SYNDIG1: variants seen among roughly 807,000 people sequenced by gnomAD.
The protein encoded by SYNDIG1 is synapse differentiation inducing 1, also known as synapse differentiation-inducing gene protein 1.
Under a neutral mutation model 19.4 loss-of-function variants are expected in SYNDIG1, and 9 were observed. That is an observed-to-expected ratio of 0.46 (90% confidence interval 0.28 to 0.81). SYNDIG1 has a LOEUF of 0.81. Among genes scored for constraint, SYNDIG1 ranks in the 30% least tolerant of loss-of-function variants. The pLI, the probability that SYNDIG1 is intolerant of heterozygous loss-of-function variation, is 0.12. For synonymous variants in SYNDIG1, 141 were observed against 145.9 expected (o/e 0.97, Z 0.24); for missense variants, 311 against 343.3 (o/e 0.91, Z 0.74).
At chr20:24,498,322 A>C (rs1468396958) in intron 1 of SYNDIG1, among the ~76,000 whole-genome samples, 1 of 152,216 alleles carries the variant, frequency 6.6e-6, no homozygotes, top group African/African-American at 2.4e-5. Flanking sequence ...AGAACACTTA[A>C]CATAAGGTCT....
chr20:24,613,216 C>A (rs187613324), intron 3 of SYNDIG1, among the ~76,000 whole-genome samples: 1 of 152,320 alleles, frequency 6.6e-6, no homozygotes, highest in Admixed American at 6.5e-5. Flanking sequence ...AGCTATGTGA[C>A]CCTGGCCAAC....
At chr20:24,608,314 G>A (rs1163182071) in intron 3 of SYNDIG1, among the ~76,000 whole-genome samples, 1 of 152,004 alleles carries the variant, frequency 6.6e-6, no homozygotes, top group African/African-American at 2.4e-5. Flanking sequence ...AAGTAGCTGG[G>A]ACTACAGGCA....
intron 1 of SYNDIG1, among the ~76,000 whole-genome samples, chr20:24,470,306 G>T (rs2055386482): frequency 6.6e-6 from 1 of 152,188 alleles, no homozygotes; most frequent in African/African-American, 2.4e-5. Context: ...CTAATTCTCC[G>T]AGCGGAGCGG....
chr20:24,475,000 T>C (rs996818042), intron 1 of SYNDIG1, among the ~76,000 whole-genome samples: 3 of 152,194 alleles, frequency 2.0e-5, no homozygotes, highest in African/African-American at 7.2e-5. Context: ...TAATCTTACC[T>C]CAAATACACT....
chr20:24,519,071 G>C (rs915257294), intron 1 of SYNDIG1, among the ~76,000 whole-genome samples: 1 of 152,170 alleles, frequency 6.6e-6, no homozygotes, highest in South Asian at 2.1e-4. Flanking sequence ...GGAAATGCTG[G>C]ATTGAAATGT....
rs553258786 is a variant in SYNDIG1 at position 24,636,521 on chromosome 20, C to T, written c.619-28825C>T. Among the ~76,000 whole-genome samples the T allele has an allele frequency of 4.6e-5, 7 of 152,340 alleles. No individual in the cohort carries two copies. In the East Asian group the frequency reaches 1.2e-3, roughly 25 times the overall value. On this transcript the variant is annotated intron_variant, in intron 3 of 3. Transcript: ENST00000376862. ...TTGGTTGGACCAGGTGTGCCATTTA[C>T]ATAGCACACAAAGAAGCTGGCCACC...
At chr20:24,514,825 C>T (rs2056827374) in intron 1 of SYNDIG1, among the ~76,000 whole-genome samples, 1 of 152,214 alleles carries the variant, frequency 6.6e-6, no homozygotes, top group African/African-American at 2.4e-5. Context: ...AATACACATT[C>T]TTCTCAACAC....
rs2055635223 is a variant in SYNDIG1 at position 24,476,655 on chromosome 20, G to C, written c.-79+6902G>C. Among the ~76,000 whole-genome samples, 4 of 151,472 alleles carry C rather than the reference G, an allele frequency of 2.6e-5. No individual in the cohort carries two copies. The South Asian group carries it at 8.3e-4, about 32-fold the overall frequency. On this transcript the variant is annotated intron_variant, in intron 1 of 3. Coordinates refer to ENST00000376862, the MANE Select transcript of SYNDIG1 (RefSeq NM_024893.3). Reference sequence around the variant, plus strand: ...ACTACACTCCAGCCTGGGTGACAGAGCAAGACTCCAACTAAAAAAAAAACA... The same window carrying C: ...ACTACACTCCAGCCTGGGTGACAGACCAAGACTCCAACTAAAAAAAAAACA...
chr20:24,602,180 G>T (rs1279034877), intron 3 of SYNDIG1, among the ~76,000 whole-genome samples: 1 of 152,018 alleles, frequency 6.6e-6, no homozygotes. Context: ...GTGAGTCTGG[G>T]TGTTTGTTGT....
chr20:24,579,077 CTAAG>C (rs558877534), intron 2 of SYNDIG1, among the ~76,000 whole-genome samples: 471 of 152,282 alleles, frequency 3.1e-3, no homozygotes, highest in Non-Finnish European at 4.8e-3. Flanking sequence ...CCACAACAAA[CTAAG>C]TAACATTTAA....
chr20:24,661,485 G>GAGGGAAGA (rs2059593700), intron 3 of SYNDIG1, among the ~76,000 whole-genome samples: 1 of 62,384 alleles, frequency 1.6e-5, no homozygotes, highest in Non-Finnish European at 4.0e-5. Context: ...GAAGAGGGAG[G>GAGGGAAGA]AAGAAGGGAG....
intron 1 of SYNDIG1, among the ~76,000 whole-genome samples, chr20:24,483,850 C>T (rs1010274542): frequency 1.3e-5 from 2 of 152,130 alleles, no homozygotes; most frequent in East Asian, 1.9e-4. Context: ...TTGCTTGACA[C>T]GGTGCAAGTG....
intron 3 of SYNDIG1, among the ~76,000 whole-genome samples, chr20:24,635,123 G>A (rs140348907): frequency 6.6e-6 from 1 of 152,302 alleles, no homozygotes; most frequent in Non-Finnish European, 1.5e-5. Flanking sequence ...AAGCCTCCAA[G>A]ACTTGGGAAG....
chr20:24,589,902 A>C (rs1371722061), intron 3 of SYNDIG1, among the ~76,000 whole-genome samples: 4 of 152,202 alleles, frequency 2.6e-5, no homozygotes, highest in African/African-American at 9.7e-5. Flanking sequence ...AGCCCCTTGG[A>C]ATCCATTCAT....
intron 2 of SYNDIG1, among the ~76,000 whole-genome samples, chr20:24,582,328 C>A (rs1052849129): frequency 9.9e-5 from 12 of 121,382 alleles, no homozygotes; most frequent in African/African-American, 3.9e-4. Flanking sequence ...CTCATGCTGT[C>A]CCCACGGCAC....
At chr20:24,473,544 A>G (rs981237675) in intron 1 of SYNDIG1, among the ~76,000 whole-genome samples, 1 of 152,176 alleles carries the variant, frequency 6.6e-6, no homozygotes, top group Non-Finnish European at 1.5e-5. Flanking sequence ...GGCACCAGCT[A>G]TGATTCAGTG....
chr20:24,517,649 C>CATAT, intron 1 of SYNDIG1, among the ~76,000 whole-genome samples: 1 of 140,360 alleles, frequency 7.1e-6, no homozygotes, highest in Non-Finnish European at 1.5e-5. Flanking sequence ...TATATATACA[C>CATAT]ATATATATAT....
chr20:24,585,053 G>GGCC, intron 3 of SYNDIG1, 60 bp downstream of exon 3: 2 of 647,990 alleles, frequency 3.1e-6, no homozygotes, highest in Non-Finnish European at 2.7e-6. Flanking sequence ...GGGGGTGGGG[G>GGCC]CGGCAATCCC....
intron 1 of SYNDIG1, among the ~76,000 whole-genome samples, chr20:24,475,893 C>G (rs1391892578): frequency 3.3e-5 from 5 of 150,808 alleles, no homozygotes; most frequent in Non-Finnish European, 7.4e-5. Context: ...TGACGTCTCA[C>G]TCTATCACCC....
Sources: gnomAD v4.1 joint callset for allele counts (sites outside exome capture counted in the v4.1 genomes callset) on GRCh38, gnomAD v4.1.1 for gene constraint, MANE v1.5 for transcripts, NCBI Gene and HGNC (gene_info 2026-07-23, HGNC 2026-07-21) for gene names.